The following CDH13 variants were observed in gnomAD, a reference collection of about 807,000 sequenced individuals.
CDH13 encodes cadherin-13.
A neutral mutation model predicts 63.8 loss-of-function variants in CDH13; 24 were observed. The ratio of observed to expected loss-of-function variants is 0.38; its 90% CI spans 0.27 to 0.53. The LOEUF (loss-of-function observed/expected upper bound fraction) is 0.53. Ranked by LOEUF, CDH13 falls within the 20% of genes least tolerant of loss-of-function variation. CDH13 has a pLI of 0.85. For synonymous variants in CDH13, 503 were observed against 355.3 expected (o/e 1.42, Z -4.67); for missense variants, 1,049 against 903.1 (o/e 1.16, Z -2.07).
chr16:83,011,874 T>G (rs1037867515), intron 2 of CDH13, among the ~76,000 whole-genome samples: 2 of 152,136 alleles, frequency 1.3e-5, no homozygotes, highest in African/African-American at 4.8e-5. Flanking sequence ...TAGAGGGGAG[T>G]TGGGGTTGAA....
chr16:83,504,275 C>G (rs1185686082), intron 7 of CDH13, among the ~76,000 whole-genome samples: 1 of 152,156 alleles, frequency 6.6e-6, no homozygotes, highest in African/African-American at 2.4e-5. Context: ...TTCACAACCT[C>G]CAGCCCCTCC....
chr16:82,718,546 G>A (rs1299849643), intron 1 of CDH13, among the ~76,000 whole-genome samples: 1 of 152,152 alleles, frequency 6.6e-6, no homozygotes, highest in Non-Finnish European at 1.5e-5. Flanking sequence ...ACAGTGTAGT[G>A]TTGTATTAGT....
intron 6 of CDH13, among the ~76,000 whole-genome samples, chr16:83,442,618 T>C (rs1288966572): frequency 6.6e-6 from 1 of 152,218 alleles, no homozygotes; most frequent in Non-Finnish European, 1.5e-5. Flanking sequence ...ACAAGAAGCT[T>C]ATATTTTTCT....
chr16:82,990,357 G>C (rs1337360259), intron 2 of CDH13: 1 of 152,160 alleles, frequency 6.6e-6, no homozygotes, highest in East Asian at 1.9e-4. Context: ...ATACATTACT[G>C]TGGTTCCCAC....
chr16:83,463,676 A>T (rs1196475710), intron 6 of CDH13, among the ~76,000 whole-genome samples: 1 of 152,142 alleles, frequency 6.6e-6, no homozygotes. Context: ...GGTGGTGCAC[A>T]CCTGTGGTCC....
In CDH13 at chr16:83,800,368, A is replaced by AG. The variant is rs1435305831; in HGVS notation, c.*5338_*5339insG. 1 of 152,248 alleles carries AG rather than the reference A, an allele frequency of 6.6e-6. No individual in the cohort carries two copies. The highest frequency in any genetic ancestry group is 1.5e-5 in the Non-Finnish European group (1 of 68,040). The allele number at this position is 152,248 out of a possible 1,614,324, so 9.4% of individuals were successfully genotyped here. Reference sequence around the variant, plus strand: ...TATCTGTGTTGTCATGCACATGTCAACACTGTCCTGATGACAAAATTTTAT... The same window carrying AG: ...TATCTGTGTTGTCATGCACATGTCAAGCACTGTCCTGATGACAAAATTTTAT... On this transcript the variant is annotated 3_prime_UTR_variant, in exon 14 of 14. Coordinates refer to ENST00000567109, the MANE Select transcript of CDH13 (RefSeq NM_001257.5).
chr16:82,656,190 G>A (rs1039450695), intron 1 of CDH13, among the ~76,000 whole-genome samples: 9 of 152,120 alleles, frequency 5.9e-5, no homozygotes, highest in African/African-American at 1.9e-4. Context: ...GGCAGTGTGG[G>A]AGTGGGGGCT....
intron 4 of CDH13, among the ~76,000 whole-genome samples, chr16:83,213,178 A>T (rs865928968): frequency 6.6e-6 from 1 of 152,142 alleles, no homozygotes; most frequent in Non-Finnish European, 1.5e-5. Flanking sequence ...AGTAATTTCA[A>T]TTCAGCAGCA....
chr16:82,671,264 G>T (rs138602823), intron 1 of CDH13, among the ~76,000 whole-genome samples: 1 of 152,178 alleles, frequency 6.6e-6, no homozygotes, highest in African/African-American at 2.4e-5. Context: ...ACCCAGAAGG[G>T]TTTTTTATTT....
At chr16:83,794,875 C>G (rs1904274709) in intron 13 of CDH13, 148 bp from the exon 14 acceptor site, 1 of 733,018 alleles carries the variant, frequency 1.4e-6, no homozygotes, top group African/African-American at 1.8e-5. Context: ...CCAATGTGAT[C>G]CTTAAGGAAA....
chr16:83,656,103 C>G (rs947628815), intron 8 of CDH13, among the ~76,000 whole-genome samples: 1 of 152,178 alleles, frequency 6.6e-6, no homozygotes. Context: ...CCCCTCACAC[C>G]CAGCCCCTGG....
chr16:82,965,421 T>G (rs534361350), intron 2 of CDH13, among the ~76,000 whole-genome samples: 1 of 152,272 alleles, frequency 6.6e-6, no homozygotes, highest in Non-Finnish European at 1.5e-5. Context: ...ATTTAATCTT[T>G]GGATGAGACT....
At chr16:83,512,670 T>C (rs1440130721) in intron 7 of CDH13, among the ~76,000 whole-genome samples, 2 of 128,168 alleles carry the variant, frequency 1.6e-5, no homozygotes, top group Non-Finnish European at 3.6e-5. Context: ...TCCGTCTCAA[T>C]AATAATAATA....
intron 7 of CDH13, among the ~76,000 whole-genome samples, chr16:83,567,950 C>T (rs1412910961): frequency 6.6e-6 from 1 of 152,174 alleles, no homozygotes; most frequent in Admixed American, 6.5e-5. Context: ...ACCAAAGCCC[C>T]AATTCATCGC....
chr16:83,052,253 G>T (rs2030419730), intron 3 of CDH13, among the ~76,000 whole-genome samples: 1 of 152,054 alleles, frequency 6.6e-6, no homozygotes, highest in African/African-American at 2.4e-5. Flanking sequence ...AAACTTCAAG[G>T]TTTTTGAATG....
chr16:82,836,859 C>T (rs906150314), intron 1 of CDH13, among the ~76,000 whole-genome samples: 4 of 152,178 alleles, frequency 2.6e-5, no homozygotes, highest in Non-Finnish European at 5.9e-5. Flanking sequence ...GTGTGACTTT[C>T]ATTTTTAGGA....
At chr16:82,687,863 G>T (rs1915238685) in intron 1 of CDH13, among the ~76,000 whole-genome samples, 1 of 152,090 alleles carries the variant, frequency 6.6e-6, no homozygotes. Context: ...TAGGAGCAGA[G>T]CCAGGGCAAA....
intron 2 of CDH13, among the ~76,000 whole-genome samples, chr16:82,871,905 C>T (rs564163353): frequency 9.2e-5 from 14 of 152,308 alleles, no homozygotes; most frequent in African/African-American, 3.4e-4. Flanking sequence ...GCCAGAGCAT[C>T]TGTTTTCCCA....
intron 2 of CDH13, among the ~76,000 whole-genome samples, chr16:83,018,779 A>G (rs1390182436): frequency 2.0e-5 from 3 of 152,244 alleles, no homozygotes; most frequent in African/African-American, 7.2e-5. Context: ...TAACATATAT[A>G]GCACGGTGCT....
Sources: gnomAD v4.1 joint callset for allele counts (sites outside exome capture counted in the v4.1 genomes callset) on GRCh38, gnomAD v4.1.1 for gene constraint, MANE v1.5 for transcripts, NCBI Gene and HGNC (gene_info 2026-07-23, HGNC 2026-07-21) for gene names.